Variants in PSTPIP1 observed in about 807,000 individuals in gnomAD.
PSTPIP1 encodes proline-serine-threonine phosphatase-interacting protein 1.
In PSTPIP1, 66 loss-of-function variants were observed where a neutral mutation model predicts 69.6. The ratio of observed to expected loss-of-function variants is 0.95; its 90% CI spans 0.78 to 1.16. PSTPIP1 has a LOEUF of 1.16. Among genes scored for constraint, PSTPIP1 ranks in the 50% most tolerant of loss-of-function variants. PSTPIP1 has a pLI of 0.00. For synonymous variants in PSTPIP1, 266 were observed against 222.7 expected, an observed-to-expected ratio of 1.19 and a Z score of -1.73; for missense variants, 603 against 557.4, an observed-to-expected ratio of 1.08 and a Z score of -0.82.
chr15:77,025,367 G>A, intron 4 of PSTPIP1, 49 bp downstream of exon 4: 1 of 1,586,002 alleles, frequency 6.3e-7, no homozygotes, highest in African/African-American at 1.3e-5. Flanking sequence ...CTGCGAGGCT[G>A]GTGGAGGGTT....
At chr15:77,002,231 A>G (rs1367161655) in intron 1 of PSTPIP1, among the ~76,000 whole-genome samples, 4 of 152,200 alleles carry the variant, frequency 2.6e-5, no homozygotes, top group Non-Finnish European at 5.9e-5. Context: ...TGTGCAGGGT[A>G]GAGCAGGGAC....
At chr15:77,029,914 A>T (rs1372101469) in intron 8 of PSTPIP1, among the ~76,000 whole-genome samples, 1 of 152,172 alleles carries the variant, frequency 6.6e-6, no homozygotes, top group Non-Finnish European at 1.5e-5. Flanking sequence ...TTCAGAGCCC[A>T]GGACTTGTGC....
At chr15:77,029,498 G>C in intron 7 of PSTPIP1, 31 bp from the exon 8 acceptor site, 1 of 1,561,890 alleles carries the variant, frequency 6.4e-7, no homozygotes, top group East Asian at 2.4e-5. Context: ...TGGGGCAGGG[G>C]CTTAGCGCTG....
At chr15:77,033,003 G>T in intron 12 of PSTPIP1, 51 bp downstream of exon 12, 6 of 1,527,372 alleles carry the variant, frequency 3.9e-6, no homozygotes, top group Non-Finnish European at 3.6e-6. Flanking sequence ...CAGGAAGTGG[G>T]TCGAGCCCCT....
intron 1 of PSTPIP1, among the ~76,000 whole-genome samples, chr15:76,996,631 C>A (rs2075586568): frequency 6.6e-6 from 1 of 152,256 alleles, no homozygotes; most frequent in African/African-American, 2.4e-5. Context: ...CCGGCCGGCT[C>A]CACTTGGGGC....
At chr15:77,035,995 C>A in intron 14 of PSTPIP1, 60 bp downstream of exon 14, 1 of 1,515,876 alleles carries the variant, frequency 6.6e-7, no homozygotes, top group Non-Finnish European at 8.8e-7. Context: ...AGAGCTCCCT[C>A]TCCCATCCAG....
intron 14 of PSTPIP1, 58 bp downstream of exon 14, chr15:77,035,993 C>T: frequency 1.3e-6 from 2 of 1,515,336 alleles, no homozygotes; most frequent in Non-Finnish European, 1.8e-6. Flanking sequence ...TGAGAGCTCC[C>T]TCTCCCATCC....
At chr15:76,999,215 A>C (rs1170952546) in intron 1 of PSTPIP1, among the ~76,000 whole-genome samples, 1 of 152,046 alleles carries the variant, frequency 6.6e-6, no homozygotes, top group African/African-American at 2.4e-5. Context: ...TCATAGAATA[A>C]ATGAATGGAC....
At position 77,032,454 on chromosome 15, in the gene PSTPIP1, G is replaced by A. The variant is rs567527279; in HGVS notation, c.838+60G>A. On this transcript the variant is annotated intron_variant, in intron 11 of 14. Transcript: ENST00000558012. ...GTGCATTGAGCCCCTGGGAAGGCCC[G>A]GCCCTGAGCCTCAAGTGCCAGGACC... The A allele has an allele frequency of 2.9e-5, 46 of 1,562,846 alleles. No homozygotes were observed. In the East Asian group the frequency reaches 6.1e-4, roughly 21 times the overall value.
At chr15:76,999,622 G>C (rs955106316) in intron 1 of PSTPIP1, 1 of 152,210 alleles carries the variant, frequency 6.6e-6, no homozygotes, top group African/African-American at 2.4e-5. Flanking sequence ...TTGGTGAGTA[G>C]GGCTGTCTAC....
chr15:77,008,441 A>C (rs2075864247), intron 1 of PSTPIP1, among the ~76,000 whole-genome samples: 1 of 151,766 alleles, frequency 6.6e-6, no homozygotes, highest in Non-Finnish European at 1.5e-5. Context: ...ACAGAGTCCC[A>C]CTCTGTTGAC....
rs772012977 is a variant in PSTPIP1 at position 76,995,498 on chromosome 15, C to A, written c.-76C>A. ...GGCCAGCCCTGCCAGGACTGGGACG[C>A]TGCTGCTGGCGCCTGGCCCTCCATC... is the stretch of plus-strand genomic sequence containing the variant. On this transcript the variant is annotated 5_prime_UTR_variant, in exon 1 of 15. The change creates a new upstream start codon in the 5' untranslated region. Coordinates refer to ENST00000558012, the MANE Select transcript of PSTPIP1 (RefSeq NM_003978.5). 8 of 1,611,164 alleles carry A rather than the reference C, an allele frequency of 5.0e-6. No homozygotes were observed. In the East Asian group the frequency reaches 1.6e-4, roughly 31 times the overall value.
intron 3 of PSTPIP1, among the ~76,000 whole-genome samples, chr15:77,025,030 G>A (rs960612978): frequency 1.3e-5 from 2 of 152,114 alleles, no homozygotes; most frequent in African/African-American, 2.4e-5. Context: ...GGGGGCCTTC[G>A]GTACCTCCTC....
chr15:77,025,424 A>C, intron 4 of PSTPIP1, 74 bp from the exon 5 acceptor site: 1 of 1,589,112 alleles, frequency 6.3e-7, no homozygotes, highest in East Asian at 2.2e-5. Context: ...GGGCTGGCCC[A>C]CACGGGTGAG....
chr15:77,032,582 G>A (rs1358607589), intron 11 of PSTPIP1, 188 bp downstream of exon 11: 2 of 648,780 alleles, frequency 3.1e-6, no homozygotes, highest in South Asian at 3.9e-5. Context: ...CAAAGCTAAG[G>A]GCATGATGGC....
At chr15:77,000,458 G>GATATATATATATAGATATATAT (rs148680520) in intron 1 of PSTPIP1, among the ~76,000 whole-genome samples, 5 of 139,120 alleles carry the variant, frequency 3.6e-5, no homozygotes, top group African/African-American at 1.4e-4. Flanking sequence ...CATTTAAAGA[G>GATATATATATATAGATATATAT]AGATATATAT....
intron 1 of PSTPIP1, among the ~76,000 whole-genome samples, chr15:77,009,225 C>G (rs2075883501): frequency 1.3e-5 from 2 of 152,152 alleles, no homozygotes; most frequent in Non-Finnish European, 2.9e-5. Context: ...CTCCGAGGCC[C>G]TGAACCTGCT....
intron 5 of PSTPIP1, 65 bp downstream of exon 5, chr15:77,025,669 G>T (rs1388367914): frequency 5.4e-6 from 7 of 1,304,874 alleles, no homozygotes; most frequent in East Asian, 2.9e-5. Context: ...TGCTGTGGGG[G>T]TAGGGGGCTG....
Position 77,028,372 on chromosome 15 carries a change from C to T in PSTPIP1, c.418-182C>T, listed in dbSNP as rs2076336410. 5 of 558,754 alleles carry T rather than the reference C, an allele frequency of 8.9e-6. No homozygotes were observed. The South Asian group carries it at 1.2e-4, about 13-fold the overall frequency. The allele number at this position is 558,754 out of a possible 1,614,324, so 34.6% of individuals were successfully genotyped here. A position where few individuals can be genotyped will look rare whatever the true frequency, so the allele number is the denominator to read the frequency against. ...GAGGGCCTGAGAGCAGGACTACCAG[C>T]AGCCCCCACGCCTTCTCTATCTCCT... On this transcript the variant is annotated intron_variant, in intron 6 of 14. Transcript: ENST00000558012.
Sources: gnomAD v4.1 joint callset for allele counts (sites outside exome capture counted in the v4.1 genomes callset) on GRCh38, gnomAD v4.1.1 for gene constraint, MANE v1.5 for transcripts, NCBI Gene and HGNC (gene_info 2026-07-23, HGNC 2026-07-21) for gene names.